The following EXOC6 variants were observed in gnomAD, a reference collection of about 807,000 sequenced individuals.
EXOC6 encodes the protein exocyst complex component 6.
Under a neutral mutation model 112.5 loss-of-function variants are expected in EXOC6, and 60 were observed. The ratio of observed to expected loss-of-function variants is 0.53; its 90% CI spans 0.43 to 0.66. EXOC6 has a LOEUF of 0.66. Among genes scored for constraint, EXOC6 ranks in the 30% least tolerant of loss-of-function variants. The pLI is 0.00. For missense variants in EXOC6, 855 were observed against 957.1 expected (o/e 0.89, Z 1.41); for synonymous variants, 295 against 308.0 (o/e 0.96, Z 0.44).
intron 1 of EXOC6, among the ~76,000 whole-genome samples, chr10:92,851,190 G>A (rs1847312156): frequency 6.6e-6 from 1 of 152,156 alleles, no homozygotes; most frequent in African/African-American, 2.4e-5. Flanking sequence ...AGGAAAAGAG[G>A]AGCAAATGAA....
chr10:92,929,211 C>A lies in EXOC6; in HGVS notation c.972+789C>A, dbSNP rs575470125. Among the ~76,000 whole-genome samples the A allele has an allele frequency of 1.3e-4, 20 of 152,282 alleles. No homozygotes were observed. In the South Asian group the frequency reaches 4.1e-3, roughly 32 times the overall value. ...AAACCATCTAAAAATCCTTCTGTTC[C>A]CTCTGGCGAATACTGTAAGGAAAAT... On this transcript the variant is annotated intron_variant, in intron 9 of 21. Transcript: ENST00000260762.
At chr10:93,024,914 T>C (rs1229731842) in intron 20 of EXOC6, among the ~76,000 whole-genome samples, 1 of 152,170 alleles carries the variant, frequency 6.6e-6, no homozygotes, top group East Asian at 1.9e-4. Context: ...TTCTCTTTTT[T>C]TCCTGGAAAG....
At chr10:92,948,098 C>A in intron 13 of EXOC6, 176 bp from the exon 14 acceptor site, 2 of 492,214 alleles carry the variant, frequency 4.1e-6, no homozygotes, top group East Asian at 3.5e-5. Flanking sequence ...GGGACAAGAC[C>A]TATTTGTTGT....
intron 17 of EXOC6, among the ~76,000 whole-genome samples, chr10:92,972,429 T>A (rs1050333178): frequency 6.6e-6 from 1 of 151,972 alleles, no homozygotes; most frequent in Non-Finnish European, 1.5e-5. Flanking sequence ...CAAGGTGGGG[T>A]GGAGCTGCTA....
chr10:92,942,759 G>A (rs759690588), intron 13 of EXOC6, among the ~76,000 whole-genome samples: 2 of 151,966 alleles, frequency 1.3e-5, no homozygotes, highest in Non-Finnish European at 2.9e-5. Flanking sequence ...CATAACTGTC[G>A]ATAGATTGTA....
At chr10:92,951,397 A>G (rs1304576927) in intron 14 of EXOC6, among the ~76,000 whole-genome samples, 3 of 152,182 alleles carry the variant, frequency 2.0e-5, no homozygotes, top group Non-Finnish European at 4.4e-5. Context: ...AAAAAGGAGG[A>G]AAACCAGTGT....
intron 13 of EXOC6, among the ~76,000 whole-genome samples, chr10:92,946,114 C>A (rs1053113947): frequency 1.3e-5 from 2 of 151,700 alleles, no homozygotes; most frequent in Admixed American, 1.3e-4. Context: ...CACAGTGGAA[C>A]CCCGTCTCTA....
Position 92,899,635 on chromosome 10 carries a change from G to C in EXOC6, c.449G>C (p.Ser150Thr), listed in dbSNP as rs142703626. The stretch of plus-strand genomic sequence containing the variant: ...TACAGTAAGCTGAAAGAACAGATGA[G>C]TGCCAAAAGGTGAGTTGGTTTTTTT... ...EMYSKLKEQM[S>T]AKRYYSALKT... The change falls in exon 5 of 22, where the codon AGT (serine) becomes ACT (threonine). Residue 150 changes from serine (S) to threonine (T), a missense_variant. Physicochemically the swap from Ser to Thr is moderately conservative, Grantham distance 58. Coordinates refer to ENST00000260762, the MANE Select transcript of EXOC6 (RefSeq NM_019053.6). 46 of 1,608,150 alleles carry C rather than the reference G, an allele frequency of 2.9e-5. No individual in the cohort carries two copies. In the African/African-American group the frequency reaches 6.0e-4, roughly 21 times the overall value.
chr10:92,998,099 A>AT (rs1046248558), intron 19 of EXOC6, among the ~76,000 whole-genome samples: 36 of 150,868 alleles, frequency 2.4e-4, no homozygotes, highest in African/African-American at 4.6e-4. Flanking sequence ...TTTTCACTTT[A>AT]TTTTTTTTTA....
At chr10:92,929,777 T>C (rs188238193) in intron 9 of EXOC6, among the ~76,000 whole-genome samples, 2 of 152,328 alleles carry the variant, frequency 1.3e-5, no homozygotes, top group Admixed American at 6.5e-5. Context: ...GAAGAAACTA[T>C]GTGGAAGTAA....
chr10:93,050,759 C>CAAAAAAAAAA (rs58439083), intron 20 of EXOC6, among the ~76,000 whole-genome samples: 9,655 of 37,166 alleles, frequency 0.26, 3,647 homozygotes, highest in East Asian at 0.66. Context: ...GACTCCGTCT[C>CAAAAAAAAAA]AAAAAAAAAA....
intron 8 of EXOC6, among the ~76,000 whole-genome samples, chr10:92,923,142 A>G (rs935976533): frequency 6.6e-6 from 1 of 152,190 alleles, no homozygotes; most frequent in African/African-American, 2.4e-5. Context: ...CCTTGCCTAG[A>G]TTAGGACAAC....
At chr10:92,928,975 G>A (rs556806488) in intron 9 of EXOC6, among the ~76,000 whole-genome samples, 8 of 152,250 alleles carry the variant, frequency 5.3e-5, no homozygotes, top group Admixed American at 2.0e-4. Context: ...CCAAATGAAG[G>A]CAGAAATGCA....
At chr10:92,940,927 G>T in intron 13 of EXOC6, 103 bp downstream of exon 13, 2 of 775,762 alleles carry the variant, frequency 2.6e-6, no homozygotes, top group Non-Finnish European at 4.3e-6. Flanking sequence ...CATTTTTATT[G>T]TAGTAAAGTA....
intron 20 of EXOC6, among the ~76,000 whole-genome samples, chr10:93,041,602 C>T (rs552946713): frequency 6.6e-6 from 1 of 152,128 alleles, no homozygotes; most frequent in African/African-American, 2.4e-5. Context: ...TTAATAGAGA[C>T]AGGGTCTTAC....
intron 17 of EXOC6, among the ~76,000 whole-genome samples, chr10:92,959,495 A>G (rs1853869731): frequency 6.6e-6 from 1 of 152,190 alleles, no homozygotes; most frequent in Non-Finnish European, 1.5e-5. Flanking sequence ...TCCATGATAG[A>G]AATAATTGAT....
At position 93,058,460 on chromosome 10, in the gene EXOC6, C is replaced by A; in HGVS notation, c.*105C>A. The A allele has an allele frequency of 1.1e-6, 1 of 932,524 alleles. No homozygotes were observed. The highest frequency in any genetic ancestry group is 3.4e-5 in the Admixed American group (1 of 29,068). 57.8% of individuals were successfully genotyped at this position (932,524 alleles called of 1,614,324 possible). On this transcript the variant is annotated 3_prime_UTR_variant, in exon 22 of 22. Transcript: ENST00000260762. ...AATTTGTTTACAGAATCCAAAAATA[C>A]AATAGAGAAGATACATGAGGGCTTA...
intron 1 of EXOC6, among the ~76,000 whole-genome samples, chr10:92,842,083 G>A (rs981748527): frequency 3.3e-5 from 5 of 149,280 alleles, no homozygotes; most frequent in African/African-American, 4.9e-5. Context: ...AAACCAGGCC[G>A]GGTGCAGTGG....
At chr10:92,972,075 T>A (rs1842322268) in intron 17 of EXOC6, among the ~76,000 whole-genome samples, 1 of 152,190 alleles carries the variant, frequency 6.6e-6, no homozygotes, top group Non-Finnish European at 1.5e-5. Flanking sequence ...TGGATACAGA[T>A]CTGCTTAAAA....
Sources: gnomAD v4.1 joint callset for allele counts (sites outside exome capture counted in the v4.1 genomes callset) on GRCh38, gnomAD v4.1.1 for gene constraint, MANE v1.5 for transcripts, NCBI Gene and HGNC (gene_info 2026-07-23, HGNC 2026-07-21) for gene names.